Variants in FHIT observed in about 807,000 individuals in gnomAD.
FHIT encodes bis(5'-adenosyl)-triphosphatase.
Under a neutral mutation model 17.9 loss-of-function variants are expected in FHIT, and 19 were observed. That is an observed-to-expected ratio of 1.06 (90% CI 0.74 to 1.56). The LOEUF is 1.56. FHIT is among the 40% of genes most tolerant of loss of function. The probability of loss-of-function intolerance (pLI) is 0.00; values close to 1 mark genes in which losing one functional copy is unlikely to be tolerated. For synonymous variants in FHIT, 81 were observed against 69.7 expected (o/e 1.16, Z -0.81); for missense variants, 248 against 189.2 (o/e 1.31, Z -1.82).
At chr3:60,712,104 C>G (rs13096643) in intron 4 of FHIT, among the ~76,000 whole-genome samples, 145,363 of 152,282 alleles carry the variant, frequency 0.95, 69,500 homozygotes, top group East Asian at 1. Flanking sequence ...CCAGAAGAGA[C>G]TGGGGGCCAA....
chr3:60,116,935 C>G (rs140013306), intron 5 of FHIT, among the ~76,000 whole-genome samples: 1 of 151,838 alleles, frequency 6.6e-6, no homozygotes, highest in Non-Finnish European at 1.5e-5. Context: ...GAAAAAGTTA[C>G]GGAAATATTG....
At chr3:60,664,263 T>C (rs543679475) in intron 4 of FHIT, among the ~76,000 whole-genome samples, 33 of 152,262 alleles carry the variant, frequency 2.2e-4, no homozygotes, top group African/African-American at 7.9e-4. Flanking sequence ...CTTATTTCTA[T>C]GGTATATTAC....
chr3:60,873,465 T>G (rs9828263), intron 3 of FHIT, among the ~76,000 whole-genome samples: 3,098 of 152,324 alleles, frequency 0.02, 89 homozygotes, highest in African/African-American at 0.07. Context: ...CTTCAACAGG[T>G]TCCTTTGTTG....
chr3:60,264,393 C>A (rs565646895), intron 5 of FHIT, among the ~76,000 whole-genome samples: 120 of 151,702 alleles, frequency 7.9e-4, no homozygotes, highest in African/African-American at 2.7e-3. Context: ...ATAACAAGGA[C>A]CAGTAGCTAG....
At chr3:60,311,743 C>A (rs185767471) in intron 5 of FHIT, among the ~76,000 whole-genome samples, 2 of 152,270 alleles carry the variant, frequency 1.3e-5, no homozygotes, top group Admixed American at 6.5e-5. Context: ...TTTGTATGGG[C>A]TCCTTCAGGC....
intron 5 of FHIT, among the ~76,000 whole-genome samples, chr3:60,245,816 G>A (rs981353016): frequency 2.0e-5 from 3 of 151,814 alleles, no homozygotes; most frequent in African/African-American, 7.3e-5. Context: ...CAGAAACTAT[G>A]GTAAGCATAC....
intron 5 of FHIT, among the ~76,000 whole-genome samples, chr3:60,020,613 T>C (rs1700520004): frequency 6.6e-6 from 1 of 152,142 alleles, no homozygotes; most frequent in Admixed American, 6.5e-5. Flanking sequence ...CTGTGTGTAG[T>C]TTAGTGATAA....
intron 3 of FHIT, among the ~76,000 whole-genome samples, chr3:60,879,960 A>AC (rs1292143057): frequency 6.6e-6 from 1 of 152,078 alleles, no homozygotes; most frequent in Non-Finnish European, 1.5e-5. Flanking sequence ...GTATTAAAAA[A>AC]AAAACCTAAT....
chr3:59,840,390 C>CT (rs946285242), intron 8 of FHIT, among the ~76,000 whole-genome samples: 5 of 40,448 alleles, frequency 1.2e-4, no homozygotes, highest in East Asian at 1.3e-3. Context: ...GATTATCCCC[C>CT]TTTAAAAAAA....
At position 59,952,535 on chromosome 3, in the gene FHIT, G is replaced by A. The variant is rs144897446; in HGVS notation, c.280-30121C>T. 2.7e-3 allele frequency among the ~76,000 whole-genome samples: 409 copies of A among 152,158 alleles called. 1 individual carries two copies. The highest frequency in any genetic ancestry group is 0.01 in the Middle Eastern group (3 of 294). On this transcript the variant is annotated intron_variant, in intron 7 of 9. Coordinates refer to ENST00000492590, the MANE Select transcript of FHIT (RefSeq NM_002012.4). ...AGAGGCATGGCCTTTCAATGATCTC[G>A]GCTTGTGGTCTCACCATAGAGTCTA...
intron 4 of FHIT, among the ~76,000 whole-genome samples, chr3:60,634,142 T>C (rs56188464): frequency 0.1 from 15,822 of 152,184 alleles, 1,125 homozygotes; most frequent in Non-Finnish European, 0.15. Flanking sequence ...ACTTTCCTCA[T>C]CTGTAAAATG....
At chr3:60,127,713 A>T (rs1444737233) in intron 5 of FHIT, among the ~76,000 whole-genome samples, 1 of 152,028 alleles carries the variant, frequency 6.6e-6, no homozygotes, top group Non-Finnish European at 1.5e-5. Context: ...GGATCCTCCC[A>T]CCTCAGCCTC....
chr3:59,828,281 T>C (rs933627044), intron 8 of FHIT, among the ~76,000 whole-genome samples: 1 of 152,232 alleles, frequency 6.6e-6, no homozygotes, highest in African/African-American at 2.4e-5. Flanking sequence ...TAAAACACAT[T>C]TTCTTTGCCT....
chr3:59,921,191 A>C (rs930215314), intron 8 of FHIT, among the ~76,000 whole-genome samples: 1 of 152,252 alleles, frequency 6.6e-6, no homozygotes, highest in Non-Finnish European at 1.5e-5. Flanking sequence ...AATGTGTTCC[A>C]GAAACATTAA....
chr3:59,764,700 G>T (rs1701701779), intron 8 of FHIT, among the ~76,000 whole-genome samples: 1 of 150,818 alleles, frequency 6.6e-6, no homozygotes, highest in Non-Finnish European at 1.5e-5. Context: ...ATGCATGACA[G>T]CAGATCGTCA....
chr3:60,012,795 A>C (rs1700192012), intron 6 of FHIT, among the ~76,000 whole-genome samples: 1 of 152,236 alleles, frequency 6.6e-6, no homozygotes, highest in Admixed American at 6.5e-5. Context: ...AGGTGCTAAC[A>C]CAAGTCAGCT....
intron 5 of FHIT, among the ~76,000 whole-genome samples, chr3:60,440,751 A>T (rs1462134407): frequency 1.3e-5 from 2 of 152,110 alleles, no homozygotes; most frequent in African/African-American, 4.8e-5. Context: ...TGGGGCAATA[A>T]ATCTCTGGAA....
chr3:59,875,789 G>A (rs1012990380), intron 8 of FHIT, among the ~76,000 whole-genome samples: 8 of 145,796 alleles, frequency 5.5e-5, no homozygotes, highest in South Asian at 2.4e-4. Flanking sequence ...ATGGAAAGAG[G>A]GAGGGCCTGT....
At chr3:60,922,585 A>C (rs1553768690) in intron 3 of FHIT, among the ~76,000 whole-genome samples, 1 of 152,156 alleles carries the variant, frequency 6.6e-6, no homozygotes, top group Non-Finnish European at 1.5e-5. Flanking sequence ...TTTATTTTTT[A>C]TTTCCATTTT....
Sources: allele counts gnomAD v4.1 joint callset (sites outside exome capture counted in the v4.1 genomes callset), GRCh38; gene constraint gnomAD v4.1.1; transcripts MANE v1.5; gene names NCBI Gene and HGNC (gene_info 2026-07-23, HGNC 2026-07-21).